Variants in FYB2 observed in about 807,000 individuals in gnomAD.
FYB2 encodes FYN binding protein 2, also known as FYN-binding protein 2.
Under a neutral mutation model 94.1 loss-of-function variants are expected in FYB2, and 103 were observed. That is an observed-to-expected ratio of 1.09 (90% CI 0.93 to 1.29). The LOEUF (loss-of-function observed/expected upper bound fraction) is 1.29. FYB2 is among the 50% of genes most tolerant of loss of function. The pLI is 0.00. For missense variants in FYB2, 896 were observed against 841.5 expected (o/e 1.06, Z -0.80); for synonymous variants, 293 against 287.9 (o/e 1.02, Z -0.18).
chr1:56,754,340 A>G (rs1645275142), intron 7 of FYB2, among the ~76,000 whole-genome samples: 1 of 151,988 alleles, frequency 6.6e-6, no homozygotes, highest in African/African-American at 2.4e-5. Context: ...TTTTCTTTAG[A>G]CATGCCTTCC....
chr1:56,754,142 T>C (rs926425310), intron 7 of FYB2, among the ~76,000 whole-genome samples: 5 of 152,168 alleles, frequency 3.3e-5, no homozygotes, highest in East Asian at 1.9e-4. Flanking sequence ...ACAGTGTCAA[T>C]TGCTGCTTAA....
chr1:56,720,550 G>T, intron 17 of FYB2: 1 of 358,070 alleles, frequency 2.8e-6, no homozygotes, highest in Non-Finnish European at 4.9e-6. Context: ...TGTTTGGTAT[G>T]ATTATACTTT....
At chr1:56,729,003 G>A (rs78114057) in intron 15 of FYB2, among the ~76,000 whole-genome samples, 1,636 of 152,216 alleles carry the variant, frequency 0.011, 16 homozygotes, top group Admixed American at 0.015. Context: ...CAGCATATCC[G>A]GTCTAAGGAA....
At chr1:56,738,797 C>T (rs1644886819) in intron 13 of FYB2, 144 bp from the exon 14 acceptor site, 1 of 774,968 alleles carries the variant, frequency 1.3e-6, no homozygotes, top group East Asian at 2.7e-5. Context: ...AAAATAGTTT[C>T]TCTGGTATTA....
At chr1:56,797,846 C>A (rs556191861) in intron 1 of FYB2, among the ~76,000 whole-genome samples, 1 of 152,272 alleles carries the variant, frequency 6.6e-6, no homozygotes, top group East Asian at 1.9e-4. Context: ...GTTTGTTTTT[C>A]TTTATAGCAC....
intron 9 of FYB2, 144 bp downstream of exon 9, chr1:56,750,900 C>T: frequency 1.1e-6 from 1 of 904,076 alleles, no homozygotes; most frequent in Non-Finnish European, 1.6e-6. Flanking sequence ...TTTTCCACTA[C>T]TGCACAGCTT....
intron 6 of FYB2, among the ~76,000 whole-genome samples, chr1:56,757,629 C>G (rs1013986037): frequency 8.0e-5 from 12 of 150,240 alleles, no homozygotes; most frequent in African/African-American, 2.9e-4. Context: ...TCTTTTCTTT[C>G]TTTTCTTTTC....
At chr1:56,807,779 A>T (rs1018499515) in intron 1 of FYB2, among the ~76,000 whole-genome samples, 6 of 152,160 alleles carry the variant, frequency 3.9e-5, no homozygotes, top group Admixed American at 6.5e-5. Context: ...GGGATTGAAA[A>T]CTATGCTCTG....
chr1:56,772,976 CCA>C (rs1185144033), intron 4 of FYB2, among the ~76,000 whole-genome samples: 1 of 152,112 alleles, frequency 6.6e-6, no homozygotes, highest in African/African-American at 2.4e-5. Flanking sequence ...CAGAAAACCT[CCA>C]GTTATTTATA....
At chr1:56,767,731 G>A (rs1386294264) in intron 5 of FYB2, 98 bp downstream of exon 5, 2 of 880,616 alleles carry the variant, frequency 2.3e-6, no homozygotes, top group Non-Finnish European at 3.7e-6. Context: ...GGATGGCTGT[G>A]CATTTTTAAA....
At chr1:56,807,137 C>G (rs989073356) in intron 1 of FYB2, among the ~76,000 whole-genome samples, 23 of 152,318 alleles carry the variant, frequency 1.5e-4, no homozygotes, top group South Asian at 1.0e-3. Context: ...TTCCTGCTCT[C>G]CCTGCTGCCC....
intron 1 of FYB2, among the ~76,000 whole-genome samples, chr1:56,800,663 G>A (rs1646499135): frequency 6.6e-6 from 1 of 151,984 alleles, no homozygotes. Context: ...CTCACCACAT[G>A]GGGTGTAAGG....
chr1:56,777,229 G>A (rs1570112094), intron 4 of FYB2, among the ~76,000 whole-genome samples: 1 of 4,620 alleles, frequency 2.2e-4, no homozygotes, highest in Non-Finnish European at 2.7e-4. Flanking sequence ...GCGAGACTCC[G>A]TCTCAAAAAC....
chr1:56,772,679 T>A lies in FYB2; in HGVS notation c.954-4741A>T, dbSNP rs142533495. On this transcript the variant is annotated intron_variant, in intron 4 of 19. Transcript: ENST00000343433. Reference sequence around the variant, plus strand: ...GGGGTCAGACAGATTTGAATTTGAATCCTAGCTCTCTTCTACATTCTAGTT... The same window carrying A: ...GGGGTCAGACAGATTTGAATTTGAAACCTAGCTCTCTTCTACATTCTAGTT... Among the ~76,000 whole-genome samples, 420 of 152,304 alleles carry A rather than the reference T, an allele frequency of 2.8e-3. 2 individuals carry two copies. Among genetic ancestry groups the A allele is most frequent in the Non-Finnish European group, 5.2e-3 (352 of 68,010 alleles).
At chr1:56,795,237 T>A (rs1052855389) in intron 1 of FYB2, among the ~76,000 whole-genome samples, 1 of 152,172 alleles carries the variant, frequency 6.6e-6, no homozygotes, top group Non-Finnish European at 1.5e-5. Flanking sequence ...AGTATTTGTC[T>A]TTTTGTAACT....
intron 1 of FYB2, among the ~76,000 whole-genome samples, chr1:56,815,960 A>C (rs1646873107): frequency 6.6e-6 from 1 of 152,186 alleles, no homozygotes; most frequent in African/African-American, 2.4e-5. Flanking sequence ...AGAAAAACCC[A>C]TCAACCTTTT....
intron 9 of FYB2, among the ~76,000 whole-genome samples, chr1:56,745,090 A>G (rs1264842493): frequency 1.3e-5 from 2 of 152,062 alleles, no homozygotes; most frequent in Non-Finnish European, 2.9e-5. Flanking sequence ...TCTCAGAGGC[A>G]TAAGGTCCTA....
chr1:56,807,124 G>C (rs1450973734), intron 1 of FYB2, among the ~76,000 whole-genome samples: 1 of 152,108 alleles, frequency 6.6e-6, no homozygotes, highest in Non-Finnish European at 1.5e-5. Flanking sequence ...TATTTGAAAG[G>C]GTTTCCTGCT....
At chr1:56,800,239 G>C (rs1646488947) in intron 1 of FYB2, among the ~76,000 whole-genome samples, 1 of 152,188 alleles carries the variant, frequency 6.6e-6, no homozygotes, top group Non-Finnish European at 1.5e-5. Flanking sequence ...AAGATGGAAA[G>C]AAGTAGAAGT....
Sources: gnomAD v4.1 joint callset for allele counts (sites outside exome capture counted in the v4.1 genomes callset) on GRCh38, gnomAD v4.1.1 for gene constraint, MANE v1.5 for transcripts, NCBI Gene and HGNC (gene_info 2026-07-23, HGNC 2026-07-21) for gene names.